The following EXOC6 variants were observed in gnomAD, a reference collection of about 807,000 sequenced individuals.
The protein encoded by EXOC6 is SEC15-like 1.
A neutral mutation model predicts 112.5 loss-of-function variants in EXOC6; 60 were observed. That is an observed-to-expected ratio of 0.53 (90% CI 0.43 to 0.66). The LOEUF is 0.66. EXOC6 is among the 30% of genes least tolerant of loss of function. EXOC6 has a pLI of 0.00. For synonymous variants in EXOC6, 295 were observed against 308.0 expected (o/e 0.96, Z 0.44); for missense variants, 855 against 957.1 (o/e 0.89, Z 1.41).
intron 18 of EXOC6, among the ~76,000 whole-genome samples, chr10:92,988,527 C>G (rs1007539273): frequency 2.0e-5 from 3 of 152,094 alleles, no homozygotes; most frequent in Admixed American, 2.0e-4. Flanking sequence ...TCCTATATAC[C>G]AGTGCTAGAT....
At chr10:92,861,256 A>G (rs1163494665) in intron 1 of EXOC6, among the ~76,000 whole-genome samples, 2 of 152,134 alleles carry the variant, frequency 1.3e-5, no homozygotes, top group African/African-American at 4.8e-5. Flanking sequence ...ACTGCTCTAG[A>G]TCTGGGGGCA....
rs2133955017 is a variant in EXOC6, at chr10:92,934,392, G to T, written c.1102G>T (p.Ala368Ser). The T allele has an allele frequency of 6.3e-7, 1 of 1,599,938 alleles. No individual in the cohort carries two copies. The highest frequency in any genetic ancestry group is 1.1e-5 in the South Asian group (1 of 88,432). Residue 368 changes from alanine to serine, a missense_variant, in exon 11 of 22, where the codon GCC becomes TCC. Physicochemically the swap from Ala to Ser is moderately conservative, Grantham distance 99. Transcript: ENST00000260762. ...ATACACTGATGAACTTTGGAACATG[G>T]CCCTCTCAAAGATAATTGCTGTCCT... ...RAYTDELWNM[A>S]LSKIIAVLRA...
chr10:92,934,296 A>G lies in EXOC6; in HGVS notation c.1020-14A>G. ...TTTTTTTTTAACACATGCTTTGGTA[A>G]TTACTGTTTTTAGGTTCTTTGTGGT... On this transcript the variant is annotated splice_polypyrimidine_tract_variant and intron_variant, in intron 10 of 21. Coordinates refer to ENST00000260762, the MANE Select transcript of EXOC6 (RefSeq NM_019053.6). The G allele has an allele frequency of 1.3e-6, 2 of 1,570,366 alleles. No homozygotes were observed.
intron 9 of EXOC6, among the ~76,000 whole-genome samples, chr10:92,929,049 A>G (rs1032494562): frequency 6.6e-6 from 1 of 152,246 alleles, no homozygotes; most frequent in Non-Finnish European, 1.5e-5. Context: ...GTAGGAAAGC[A>G]TGAGTTTTGA....
intron 1 of EXOC6, among the ~76,000 whole-genome samples, chr10:92,884,298 T>G (rs1193849667): frequency 6.6e-6 from 1 of 152,250 alleles, no homozygotes; most frequent in East Asian, 1.9e-4. Flanking sequence ...CTGAACAATA[T>G]TTCTGCTTCT....
At chr10:93,013,473 C>T (rs576796207) in intron 19 of EXOC6, among the ~76,000 whole-genome samples, 7 of 151,612 alleles carry the variant, frequency 4.6e-5, no homozygotes, top group Admixed American at 2.0e-4. Context: ...CCGGCCGTGG[C>T]GGCATGCGCC....
At chr10:92,847,981 C>G (rs539713074), upstream of EXOC6, among the ~76,000 whole-genome samples, 6 of 151,950 alleles carry the variant, frequency 3.9e-5, no homozygotes, top group Non-Finnish European at 7.4e-5. Context: ...CCACCTGGAG[C>G]GGTCTTCATG....
chr10:93,012,879 C>G (rs964189550), intron 19 of EXOC6, among the ~76,000 whole-genome samples: 1 of 151,856 alleles, frequency 6.6e-6, no homozygotes, highest in African/African-American at 2.4e-5. Flanking sequence ...AAAAAAACCC[C>G]CAAAAAAACA....
chr10:92,947,835 T>C (rs1181052952), intron 13 of EXOC6, among the ~76,000 whole-genome samples: 1 of 150,604 alleles, frequency 6.6e-6, no homozygotes, highest in Non-Finnish European at 1.5e-5. Context: ...ACCTGGGAGA[T>C]GGAGGTTGCA....
At chr10:92,941,132 C>G (rs905284473) in intron 13 of EXOC6, among the ~76,000 whole-genome samples, 1 of 152,134 alleles carries the variant, frequency 6.6e-6, no homozygotes, top group South Asian at 2.1e-4. Flanking sequence ...TGCTTTGTCT[C>G]TAAAATTTGA....
At chr10:92,871,935 T>C (rs1012281691) in intron 1 of EXOC6, among the ~76,000 whole-genome samples, 2 of 152,204 alleles carry the variant, frequency 1.3e-5, no homozygotes, top group African/African-American at 4.8e-5. Context: ...TTTCAGTCAT[T>C]GTTTTCCCCT....
chr10:93,026,866 A>G (rs1845051069), intron 20 of EXOC6, among the ~76,000 whole-genome samples: 1 of 152,182 alleles, frequency 6.6e-6, no homozygotes, highest in African/African-American at 2.4e-5. Context: ...AGGCTAATTA[A>G]TAATCCTACA....
At position 92,909,495 on chromosome 10, in the gene EXOC6, G is replaced by T. The variant is rs751941114; in HGVS notation, c.527G>T (p.Arg176Leu). ...NVYFPWVSQY[R>L]FCQLMIENLP... is the part of the protein sequence containing the mutation. ...TACTTTCCCTGGGTTAGTCAATACC[G>T]GTTTTGTCAGCTCATGATAGAAAAT... The change falls in exon 6 of 22, where the codon CGG (arginine) becomes CTG (leucine). Residue 176 changes from arginine to leucine, a missense_variant. Arg to Leu is a moderately radical substitution (Grantham distance 102, BLOSUM62 -2). Around this residue, in one of 2 missense-constraint regions of EXOC6, gnomAD observed 405 missense variants for 393.6 expected, o/e 1.03. Coordinates refer to ENST00000260762, the MANE Select transcript of EXOC6 (RefSeq NM_019053.6). 1.2e-6 allele frequency: 2 copies of T among 1,613,266 alleles called. No individual in the cohort carries two copies. Among genetic ancestry groups the T allele is most frequent in the Middle Eastern group, 1.6e-4 (1 of 6,080 alleles).
intron 1 of EXOC6, among the ~76,000 whole-genome samples, chr10:92,880,494 A>G (rs370061023): frequency 1.3e-5 from 2 of 152,158 alleles, no homozygotes; most frequent in South Asian, 4.1e-4. Flanking sequence ...TCTTTTTATT[A>G]AGATTTGTAA....
chr10:92,846,630 A>G (rs1436296743), upstream of EXOC6, among the ~76,000 whole-genome samples: 3 of 152,212 alleles, frequency 2.0e-5, no homozygotes, highest in Non-Finnish European at 4.4e-5. Flanking sequence ...TCTTAGCTCA[A>G]TGGATGTGTA....
intron 19 of EXOC6, among the ~76,000 whole-genome samples, chr10:92,998,698 A>T (rs994738860): frequency 6.0e-5 from 9 of 151,084 alleles, no homozygotes; most frequent in South Asian, 2.1e-4. Context: ...CCATTTATTT[A>T]AAAAAAAAGA....
intron 9 of EXOC6, among the ~76,000 whole-genome samples, chr10:92,929,377 A>G (rs548536407): frequency 6.6e-6 from 1 of 152,344 alleles, no homozygotes; most frequent in Non-Finnish European, 1.5e-5. Context: ...CAACATTTCA[A>G]GTATTTCCAT....
upstream of EXOC6, among the ~76,000 whole-genome samples, chr10:92,847,888 C>T (rs987195831): frequency 7.9e-6 from 1 of 126,638 alleles, no homozygotes; most frequent in African/African-American, 2.9e-5. Flanking sequence ...CTTAACTTCT[C>T]ATCATTTAAT....
intron 4 of EXOC6, among the ~76,000 whole-genome samples, chr10:92,897,358 A>T (rs189612365): frequency 2.6e-5 from 4 of 152,218 alleles, no homozygotes; most frequent in Admixed American, 2.0e-4. Flanking sequence ...CCACTTATAA[A>T]TGTGTGTGTG....
Sources: allele counts gnomAD v4.1 joint callset (sites outside exome capture counted in the v4.1 genomes callset), GRCh38; gene constraint gnomAD v4.1.1; regional missense constraint gnomAD v4.1.1; transcripts MANE v1.5; gene names NCBI Gene and HGNC (gene_info 2026-07-23, HGNC 2026-07-21).